ARHGEF28: variants seen among roughly 807,000 people sequenced by gnomAD.
The protein encoded by ARHGEF28 is 190 kDa guanine nucleotide exchange factor.
In ARHGEF28, 152 loss-of-function variants were observed where a neutral mutation model predicts 206.6. The observed-to-expected ratio is 0.74, with a 90% CI of 0.64 to 0.84. The LOEUF is 0.84. Ranked by LOEUF, ARHGEF28 falls within the 40% of genes least tolerant of loss-of-function variation. The pLI is 0.00. For synonymous variants in ARHGEF28, 763 were observed against 776.4 expected (o/e 0.98, Z 0.29); for missense variants, 2,028 against 2,073.2 (o/e 0.98, Z 0.42).
chr5:73,639,864 CATTTT>C lies in ARHGEF28; in HGVS notation c.-12+13543_-12+13547del, dbSNP rs575797894. Reference sequence around the variant, plus strand: ...ATGCTTTTTCACATTTGTGCTTTTTCATTTTCTTATTTAGAAATAACAAATTGTAT... The same window carrying C: ...ATGCTTTTTCACATTTGTGCTTTTTCCTTATTTAGAAATAACAAATTGTAT... On this transcript the variant is annotated intron_variant, in intron 1 of 35. Transcript: ENST00000513042. Among the ~76,000 whole-genome samples, 495 of 152,266 alleles carry C rather than the reference CATTTT, an allele frequency of 3.3e-3. 6 individuals carry two copies. Among genetic ancestry groups the C allele is most frequent in the African/African-American group, 0.011 (477 of 41,582 alleles).
intron 2 of ARHGEF28, among the ~76,000 whole-genome samples, chr5:73,705,170 C>T (rs1336433487): frequency 6.6e-6 from 1 of 152,208 alleles, no homozygotes; most frequent in East Asian, 1.9e-4. Flanking sequence ...CTGCGTAAAG[C>T]ATTTAAAACA....
At chr5:73,804,670 T>C (rs556434124) in intron 9 of ARHGEF28, among the ~76,000 whole-genome samples, 2 of 152,254 alleles carry the variant, frequency 1.3e-5, no homozygotes, top group Non-Finnish European at 2.9e-5. Context: ...GTCAGGAATT[T>C]TGTAGAATGT....
chr5:73,750,028 A>G lies in ARHGEF28; in HGVS notation c.181+44A>G, dbSNP rs746906095. 5 of 1,605,424 alleles carry G rather than the reference A, an allele frequency of 3.1e-6. No individual in the cohort carries two copies. In the East Asian group the frequency reaches 8.9e-5, roughly 29 times the overall value. The stretch of plus-strand genomic sequence containing the variant: ...TGTGCAGCTGGGAAATTAGTCTGCA[A>G]ATAACTTCCCTCCAGGGCTGTAGGC... On this transcript the variant is annotated intron_variant, in intron 3 of 35. Coordinates refer to ENST00000513042, the MANE Select transcript of ARHGEF28 (RefSeq NM_001177693.2).
At chr5:73,752,179 C>T (rs544941605) in intron 3 of ARHGEF28, among the ~76,000 whole-genome samples, 33 of 152,228 alleles carry the variant, frequency 2.2e-4, no homozygotes, top group African/African-American at 7.9e-4. Context: ...CCAAGGGCAG[C>T]ATAAAAATGT....
chr5:73,747,585 G>C (rs764032163), intron 2 of ARHGEF28, among the ~76,000 whole-genome samples: 4 of 152,036 alleles, frequency 2.6e-5, no homozygotes, highest in Non-Finnish European at 5.9e-5. Flanking sequence ...ATCCATTTCT[G>C]TCTAAGTGGG....
intron 2 of ARHGEF28, among the ~76,000 whole-genome samples, chr5:73,727,461 T>A (rs1750341847): frequency 6.6e-6 from 1 of 152,204 alleles, no homozygotes; most frequent in Admixed American, 6.5e-5. Flanking sequence ...CAGGAATAGA[T>A]GGTCATCTAC....
chr5:73,747,849 CTG>C (rs1345028332), intron 2 of ARHGEF28, among the ~76,000 whole-genome samples: 2 of 152,134 alleles, frequency 1.3e-5, no homozygotes, highest in Non-Finnish European at 1.5e-5. Context: ...AATTACAAGA[CTG>C]TAATGTTCAG....
chr5:73,845,986 C>CAAAAAAAAAAAAAAA (rs57600570), intron 11 of ARHGEF28, among the ~76,000 whole-genome samples: 12 of 63,768 alleles, frequency 1.9e-4, no homozygotes, highest in Non-Finnish European at 2.4e-4. Context: ...AAAACTGTCT[C>CAAAAAAAAAAAAAAA]AAAAAAAAAA....
At chr5:73,830,903 T>C (rs138008639) in intron 9 of ARHGEF28, among the ~76,000 whole-genome samples, 9 of 152,298 alleles carry the variant, frequency 5.9e-5, no homozygotes, top group South Asian at 4.1e-4. Flanking sequence ...ACATTTCTAA[T>C]GGACTAACAG....
At chr5:73,844,872 A>G (rs1472684928) in intron 11 of ARHGEF28, among the ~76,000 whole-genome samples, 1 of 151,390 alleles carries the variant, frequency 6.6e-6, no homozygotes, top group African/African-American at 2.4e-5. Flanking sequence ...TTAAAACGTA[A>G]TGTTATGGAA....
chr5:73,697,613 A>G (rs1748298940), intron 2 of ARHGEF28, among the ~76,000 whole-genome samples: 1 of 152,070 alleles, frequency 6.6e-6, no homozygotes, highest in Non-Finnish European at 1.5e-5. Context: ...CCCCTCCCAC[A>G]ATAACCCATT....
intron 20 of ARHGEF28, among the ~76,000 whole-genome samples, chr5:73,869,777 A>T (rs1010567924): frequency 4.6e-5 from 7 of 152,212 alleles, no homozygotes; most frequent in African/African-American, 1.7e-4. Context: ...GTGTGGTGGC[A>T]CATGCCTGTA....
At chr5:73,867,808 T>G (rs913353997) in intron 18 of ARHGEF28, 68 bp from the exon 19 acceptor site, 55 of 1,603,096 alleles carry the variant, frequency 3.4e-5, no homozygotes, top group Non-Finnish European at 4.3e-5. Flanking sequence ...TTTCTGGCTT[T>G]TAAGTGACTA....
intron 22 of ARHGEF28, among the ~76,000 whole-genome samples, chr5:73,875,634 A>G (rs1178487535): frequency 5.1e-5 from 7 of 136,182 alleles, no homozygotes; most frequent in African/African-American, 1.7e-4. Context: ...AGCTTTCTAC[A>G]TATGGCTAGC....
intron 2 of ARHGEF28, among the ~76,000 whole-genome samples, chr5:73,716,305 G>C (rs1201476301): frequency 1.3e-5 from 2 of 152,162 alleles, no homozygotes; most frequent in Admixed American, 1.3e-4. Flanking sequence ...GAAGGGTTTG[G>C]AATGTTGAGG....
intron 35 of ARHGEF28, among the ~76,000 whole-genome samples, chr5:73,938,740 G>A (rs911824185): frequency 6.6e-6 from 1 of 152,156 alleles, no homozygotes; most frequent in African/African-American, 2.4e-5. Flanking sequence ...GTGTGACTGC[G>A]TGTTGTGACC....
intron 4 of ARHGEF28, among the ~76,000 whole-genome samples, chr5:73,753,714 C>T (rs1224177924): frequency 6.6e-6 from 1 of 152,146 alleles, no homozygotes; most frequent in Non-Finnish European, 1.5e-5. Context: ...TTCTAAAGAC[C>T]AAATGGACTC....
intron 4 of ARHGEF28, among the ~76,000 whole-genome samples, chr5:73,762,385 G>T (rs1752646887): frequency 6.8e-6 from 1 of 146,222 alleles, no homozygotes; most frequent in Non-Finnish European, 1.5e-5. Flanking sequence ...GAACCCAGGA[G>T]ATGGAGGTTG....
intron 22 of ARHGEF28, among the ~76,000 whole-genome samples, chr5:73,877,751 C>T (rs901174681): frequency 1.3e-5 from 2 of 151,450 alleles, no homozygotes; most frequent in Middle Eastern, 3.2e-3. Context: ...TTTCTTAATC[C>T]TGAGTTCTAG....
Sources: allele counts gnomAD v4.1 joint callset (sites outside exome capture counted in the v4.1 genomes callset), GRCh38; gene constraint gnomAD v4.1.1; transcripts MANE v1.5; gene names NCBI Gene and HGNC (gene_info 2026-07-23, HGNC 2026-07-21).